MAPKAPK3: variants seen among roughly 807,000 people sequenced by gnomAD.
The protein encoded by MAPKAPK3 is MAPK activated protein kinase 3.
MAPKAPK3 carries 35 observed loss-of-function variants against 49.2 expected under a neutral mutation model. The ratio of observed to expected loss-of-function variants is 0.71; its 90% CI spans 0.54 to 0.94. The LOEUF is 0.94. Ranked by LOEUF, MAPKAPK3 falls within the 40% of genes least tolerant of loss-of-function variation. The probability of loss-of-function intolerance (pLI) is 0.00; values close to 1 mark genes in which losing one functional copy is unlikely to be tolerated. For synonymous variants in MAPKAPK3, 178 were observed against 188.7 expected (o/e 0.94, Z 0.46); for missense variants, 398 against 493.1 (o/e 0.81, Z 1.83).
Position 50,640,476 on chromosome 3 carries a change from C to T in MAPKAPK3, c.330C>T (p.Gly110=). 2 of 1,613,674 alleles carry T rather than the reference C, an allele frequency of 1.2e-6. No homozygotes were observed. The highest frequency in any genetic ancestry group is 1.7e-6 in the Non-Finnish European group (2 of 1,179,658). The part of the protein sequence containing the change: ...ILDVYENMHH[G]KRCLLIIMEC... ...ATGTGTATGAGAACATGCACCATGG[C>T]AAGCGCTGTCTCCTCATCATCATGG... The change falls in exon 3 of 11, where the codon GGC becomes GGT. Residue 110 remains glycine, a synonymous_variant. Coordinates refer to ENST00000621469, the MANE Select transcript of MAPKAPK3 (RefSeq NM_001243925.2).
In MAPKAPK3 at chr3:50,641,667, G is replaced by A. The variant is rs371731385; in HGVS notation, c.360-40G>A. On this transcript the variant is annotated intron_variant, in intron 3 of 10. Coordinates refer to ENST00000621469, the MANE Select transcript of MAPKAPK3 (RefSeq NM_001243925.2). ...GGCAGGGGCAAGGGTAGGATGATGT[G>A]CAGTTTCCCCCTCTCTGCTTATAGT... 5 of 1,535,120 alleles carry A rather than the reference G, an allele frequency of 3.3e-6. No individual in the cohort carries two copies. The African/African-American group carries it at 5.5e-5, about 17-fold the overall frequency.
At chr3:50,635,116 T>C (rs1417689087) in intron 2 of MAPKAPK3, among the ~76,000 whole-genome samples, 1 of 152,254 alleles carries the variant, frequency 6.6e-6, no homozygotes, top group Non-Finnish European at 1.5e-5. Context: ...CTGGGCCTCC[T>C]GTGTCCTGGC....
At chr3:50,646,093 C>T in intron 7 of MAPKAPK3, 47 bp from the exon 8 acceptor site, 2 of 1,597,646 alleles carry the variant, frequency 1.3e-6, no homozygotes, top group Non-Finnish European at 1.7e-6. Context: ...TGGGTCCACC[C>T]TGGCACTGCT....
intron 2 of MAPKAPK3, among the ~76,000 whole-genome samples, chr3:50,620,178 A>G (rs975916337): frequency 6.6e-6 from 1 of 151,934 alleles, no homozygotes; most frequent in African/African-American, 2.4e-5. Context: ...CACGAGGAGG[A>G]AGGTGACATC....
chr3:50,632,675 C>T lies in MAPKAPK3; in HGVS notation c.220-7691C>T, dbSNP rs757480876. ...CGTTGATGGGAGAGATAAGTCAGCT[C>T]TCTTACCCCGGAAACAGTGGGTGTT... On this transcript the variant is annotated intron_variant, in intron 2 of 10. Coordinates refer to ENST00000621469, the MANE Select transcript of MAPKAPK3 (RefSeq NM_001243925.2). 2.0e-5 allele frequency among the ~76,000 whole-genome samples: 3 copies of T among 152,350 alleles called. No individual in the cohort carries two copies. The South Asian group carries it at 6.2e-4, about 32-fold the overall frequency.
rs2032492828 is a variant in MAPKAPK3 at position 50,617,292 on chromosome 3, C to G, written c.-53+51C>G. On this transcript the variant is annotated intron_variant, in intron 1 of 10. Coordinates refer to ENST00000621469, the MANE Select transcript of MAPKAPK3 (RefSeq NM_001243925.2). The stretch of plus-strand genomic sequence containing the variant: ...CGGCCTCCTCCGGGGACCTCGCGGC[C>G]ATTAGGCGCCCGGCCCCTTCCCTTC... 2.0e-5 allele frequency: 7 copies of G among 354,472 alleles called. No homozygotes were observed. In the South Asian group the frequency reaches 6.4e-4, roughly 33 times the overall value. The allele number at this position is 354,472 out of a possible 1,614,324, so 22.0% of individuals were successfully genotyped here.
At chr3:50,628,751 G>A (rs957487751) in intron 2 of MAPKAPK3, among the ~76,000 whole-genome samples, 1 of 152,148 alleles carries the variant, frequency 6.6e-6, no homozygotes, top group African/African-American at 2.4e-5. Context: ...TCTGGGGGAG[G>A]GGAGGAGGCC....
intron 5 of MAPKAPK3, 21 bp downstream of exon 5, chr3:50,642,353 T>G: frequency 6.3e-7 from 1 of 1,599,260 alleles, no homozygotes; most frequent in East Asian, 2.2e-5. Context: ...AGGATTCAGG[T>G]TGGGGGCCCG....
chr3:50,648,261 C>G lies in MAPKAPK3; in HGVS notation c.*215C>G. 1.8e-6 allele frequency: 1 copy of G among 553,240 alleles called. No individual in the cohort carries two copies. The highest frequency in any genetic ancestry group is 2.4e-5 in the South Asian group (1 of 41,720). The allele number at this position is 553,240 out of a possible 1,614,324, so 34.3% of individuals were successfully genotyped here. On this transcript the variant is annotated 3_prime_UTR_variant, in exon 11 of 11. Coordinates refer to ENST00000621469, the MANE Select transcript of MAPKAPK3 (RefSeq NM_001243925.2). ...CTCAAGCCCTAGAGATGGGCAGGGC[C>G]TAGGGGCTGGGAGCTGCCTGCTGCC...
At chr3:50,644,361 C>G in intron 5 of MAPKAPK3, 48 bp from the exon 6 acceptor site, 3 of 1,609,694 alleles carry the variant, frequency 1.9e-6, no homozygotes, top group South Asian at 2.2e-5. Context: ...GGGCTCTGCT[C>G]CTGCCTGGTT....
chr3:50,648,322 G>T lies in MAPKAPK3; in HGVS notation c.*276G>T. ...CTTTAGCTAGGTTGGCCCGAGTGAG[G>T]CCTCTGTGCTGTCCTGCCCTGGTGC... is the stretch of plus-strand genomic sequence containing the variant. On this transcript the variant is annotated 3_prime_UTR_variant, in exon 11 of 11. Coordinates refer to ENST00000621469, the MANE Select transcript of MAPKAPK3 (RefSeq NM_001243925.2). 2.5e-6 allele frequency: 1 copy of T among 392,706 alleles called. No individual in the cohort carries two copies. The highest frequency in any genetic ancestry group is 4.6e-6 in the Non-Finnish European group (1 of 216,038). 24.3% of individuals were successfully genotyped at this position (392,706 alleles called of 1,614,324 possible). A position where few individuals can be genotyped will look rare whatever the true frequency, so the allele number is the denominator to read the frequency against.
intron 2 of MAPKAPK3, among the ~76,000 whole-genome samples, chr3:50,631,136 G>A (rs1000679591): frequency 1.3e-5 from 2 of 150,696 alleles, no homozygotes; most frequent in African/African-American, 4.9e-5. Context: ...TCTGGCAGGA[G>A]GCCAACTCAT....
At chr3:50,643,202 C>G (rs2033216086) in intron 5 of MAPKAPK3, among the ~76,000 whole-genome samples, 1 of 152,180 alleles carries the variant, frequency 6.6e-6, no homozygotes, top group South Asian at 2.1e-4. Context: ...GATCAGGCCC[C>G]CTGATACCAG....
At chr3:50,634,295 G>A (rs1425227909) in intron 2 of MAPKAPK3, among the ~76,000 whole-genome samples, 1 of 152,102 alleles carries the variant, frequency 6.6e-6, no homozygotes, top group African/African-American at 2.4e-5. Context: ...GTGTGTATGT[G>A]TACGTCTGTG....
chr3:50,647,620 G>A (rs1457307308), intron 10 of MAPKAPK3, among the ~76,000 whole-genome samples: 1 of 152,264 alleles, frequency 6.6e-6, no homozygotes, highest in Non-Finnish European at 1.5e-5. Context: ...TTCTGTGGTG[G>A]AACTGGTTTA....
chr3:50,647,035 A>C, intron 9 of MAPKAPK3, 88 bp from the exon 10 acceptor site: 1 of 1,259,730 alleles, frequency 7.9e-7, no homozygotes, highest in African/African-American at 1.5e-5. Flanking sequence ...TTTCCATCTG[A>C]GTCTGGGAGA....
At chr3:50,643,284 C>T (rs2033217581) in intron 5 of MAPKAPK3, among the ~76,000 whole-genome samples, 1 of 152,178 alleles carries the variant, frequency 6.6e-6, no homozygotes, top group Non-Finnish European at 1.5e-5. Flanking sequence ...TGTTGGGCCA[C>T]CTTCCAGTCT....
chr3:50,621,390 G>A (rs1223576288), intron 2 of MAPKAPK3, among the ~76,000 whole-genome samples: 1 of 152,026 alleles, frequency 6.6e-6, no homozygotes, highest in Non-Finnish European at 1.5e-5. Context: ...TCTGGAGCTC[G>A]AGACCAACCT....
rs2033349708 is a variant in MAPKAPK3 at position 50,648,143 on chromosome 3, C to T, written c.*97C>T. On this transcript the variant is annotated 3_prime_UTR_variant, in exon 11 of 11. Transcript: ENST00000621469. ...GGAGGGCCCAGGGTCATTCTTTTAA[C>T]AAAAGGATTATTTTGTTGTGTTTTA... 8.1e-7 allele frequency: 1 copy of T among 1,228,282 alleles called. No individual in the cohort carries two copies. Among genetic ancestry groups the T allele is most frequent in the Non-Finnish European group, 1.1e-6 (1 of 883,898 alleles). 76.1% of individuals were successfully genotyped at this position (1,228,282 alleles called of 1,614,324 possible).
Sources: gnomAD v4.1 joint callset for allele counts (sites outside exome capture counted in the v4.1 genomes callset) on GRCh38, gnomAD v4.1.1 for gene constraint, MANE v1.5 for transcripts, NCBI Gene and HGNC (gene_info 2026-07-23, HGNC 2026-07-21) for gene names.